The following GARIN1B variants were observed in gnomAD, a reference collection of about 807,000 sequenced individuals.
The protein encoded by GARIN1B is Golgi-associated RAB2 interactor protein 1B.
At chr7:128,719,938 G>A in the GARIN1B span, among the ~76,000 whole-genome samples, 1 of 151,908 alleles carries the variant, frequency 6.6e-6, no homozygotes, top group Non-Finnish European at 1.5e-5. Context: ...GACCTCAGGT[G>A]ATCCACCCAC....
the GARIN1B span, chr7:128,715,391 A>G: frequency 6.3e-7 from 1 of 1,591,244 alleles, no homozygotes. Flanking sequence ...CCAGGAGGGG[A>G]GACAGAGATC....
At chr7:128,714,727 G>A in the GARIN1B span, among the ~76,000 whole-genome samples, 4 of 152,152 alleles carry the variant, frequency 2.6e-5, no homozygotes, top group Non-Finnish European at 5.9e-5. Context: ...TCAGGGGTGA[G>A]GGATGCTGTC....
chr7:128,720,696 C>T, the GARIN1B span, among the ~76,000 whole-genome samples: 15 of 152,038 alleles, frequency 9.9e-5, no homozygotes, highest in African/African-American at 1.7e-4. Context: ...ATGTAATTAG[C>T]CTAGCACCAT....
chr7:128,723,988 C>G, the GARIN1B span, among the ~76,000 whole-genome samples: 1 of 152,110 alleles, frequency 6.6e-6, no homozygotes, highest in African/African-American at 2.4e-5. Flanking sequence ...AAAAGTAAAA[C>G]CTAAATTTCT....
At chr7:128,723,352 T>C in the GARIN1B span, 1 of 1,600,310 alleles carries the variant, frequency 6.2e-7, no homozygotes, top group Non-Finnish European at 8.5e-7. Flanking sequence ...CCTCTGACAT[T>C]CCCTCCTGCA....
chr7:128,713,879 A>G, the GARIN1B span: 1 of 957,936 alleles, frequency 1.0e-6, no homozygotes, highest in East Asian at 2.9e-5. Flanking sequence ...CAACGTATCA[A>G]TTTATTAATT....
chr7:128,725,097 A>G, the GARIN1B span: 1 of 207,562 alleles, frequency 4.8e-6, no homozygotes, highest in Admixed American at 5.5e-5. Context: ...AATAAGTATT[A>G]ACTTGTATTG....
the GARIN1B span, among the ~76,000 whole-genome samples, chr7:128,728,700 G>A: frequency 6.6e-6 from 1 of 152,132 alleles, no homozygotes; most frequent in South Asian, 2.1e-4. Flanking sequence ...GGACATATGT[G>A]GCATACCACC....
chr7:128,731,154 C>T, the GARIN1B span: 1 of 1,562,580 alleles, frequency 6.4e-7, no homozygotes, highest in South Asian at 1.1e-5. Flanking sequence ...CAAGCCTCGT[C>T]AACACCACTT....
At chr7:128,717,025 C>G in the GARIN1B span, 1 of 1,568,276 alleles carries the variant, frequency 6.4e-7, no homozygotes, top group Non-Finnish European at 8.7e-7. Context: ...GAATGGAGGA[C>G]AAGAGGGGTG....
At chr7:128,718,897 G>A in the GARIN1B span, 21 of 1,614,066 alleles carry the variant, frequency 1.3e-5, no homozygotes, top group Middle Eastern at 1.6e-4. Context: ...TGCAGTTGAG[G>A]ACAGTCACTG....
At chr7:128,730,199 A>G in the GARIN1B span, 5 of 1,074,838 alleles carry the variant, frequency 4.7e-6, no homozygotes, top group Middle Eastern at 3.1e-4. Context: ...AATGCTGGCC[A>G]CAGAGACCTC....
the GARIN1B span, among the ~76,000 whole-genome samples, chr7:128,720,204 T>TTC: frequency 1.5e-4 from 8 of 52,376 alleles, no homozygotes; most frequent in African/African-American, 5.5e-4. Flanking sequence ...TTCCTTCTTC[T>TTC]TTTTTTTTTT....
chr7:128,715,469 AC>A, the GARIN1B span: 1 of 1,614,124 alleles, frequency 6.2e-7, no homozygotes, highest in Non-Finnish European at 8.5e-7. Flanking sequence ...ACATAGAAAG[AC>A]TTGGAGGAAA....
At chr7:128,716,868 T>C in the GARIN1B span, 4 of 1,613,906 alleles carry the variant, frequency 2.5e-6, no homozygotes, top group Non-Finnish European at 1.7e-6. Flanking sequence ...ACCATGGCCC[T>C]GGGGGTGACC....
chr7:128,718,821 G>C, the GARIN1B span: 1 of 1,611,286 alleles, frequency 6.2e-7, no homozygotes, highest in Non-Finnish European at 8.5e-7. Flanking sequence ...GTCTTCCCTG[G>C]TGGCTTCAGG....
At chr7:128,709,498 C>T in the GARIN1B span, among the ~76,000 whole-genome samples, 2 of 152,110 alleles carry the variant, frequency 1.3e-5, no homozygotes, top group East Asian at 1.9e-4. Flanking sequence ...GAATTTTAAG[C>T]CATTTATAGA....
chr7:128,728,307 T>C, the GARIN1B span, among the ~76,000 whole-genome samples: 1 of 152,068 alleles, frequency 6.6e-6, no homozygotes, highest in Non-Finnish European at 1.5e-5. Flanking sequence ...CTGGGCATGA[T>C]GGTGCGTACC....
At chr7:128,715,738 G>T in the GARIN1B span, 1 of 1,496,048 alleles carries the variant, frequency 6.7e-7, no homozygotes, top group Non-Finnish European at 9.3e-7. Flanking sequence ...TTCGAAACCT[G>T]TTCCCAAGAT....
Sources: allele counts gnomAD v4.1 joint callset (sites outside exome capture counted in the v4.1 genomes callset), GRCh38; gene constraint gnomAD v4.1.1; transcripts MANE v1.5; gene names NCBI Gene and HGNC (gene_info 2026-07-23, HGNC 2026-07-21).